Variants in SSH2 observed in about 807,000 individuals in gnomAD.
SSH2 encodes slingshot protein phosphatase 2, also known as protein phosphatase Slingshot homolog 2.
In SSH2, 37 loss-of-function variants were observed where a neutral mutation model predicts 135.2. The ratio of observed to expected loss-of-function variants is 0.27; its 90% CI spans 0.21 to 0.36. The LOEUF is 0.36. SSH2 is among the 10% of genes least tolerant of loss of function. The pLI, the probability that SSH2 is intolerant of heterozygous loss-of-function variation, is 1.00. For missense variants in SSH2, 1,408 were observed against 1,765.3 expected (o/e 0.80, Z 3.63); for synonymous variants, 628 against 646.2 (o/e 0.97, Z 0.43).
At chr17:29,833,881 T>C (rs1294850381) in intron 2 of SSH2, among the ~76,000 whole-genome samples, 2 of 56,774 alleles carry the variant, frequency 3.5e-5, no homozygotes, top group Non-Finnish European at 7.0e-5. Flanking sequence ...CTTCCCTCCC[T>C]CCCTCTCTCC....
At chr17:29,773,200 AAATC>A (rs1211741312) in intron 3 of SSH2, among the ~76,000 whole-genome samples, 1 of 152,154 alleles carries the variant, frequency 6.6e-6, no homozygotes, top group East Asian at 1.9e-4. Flanking sequence ...TATAAAAAGA[AAATC>A]AACACTGCAC....
At chr17:29,697,536 A>T (rs2038807400) in intron 4 of SSH2, among the ~76,000 whole-genome samples, 1 of 152,120 alleles carries the variant, frequency 6.6e-6, no homozygotes, top group African/African-American at 2.4e-5. Flanking sequence ...TAGTTTTCTT[A>T]ATCTCAGCAC....
Position 29,631,257 on chromosome 17 carries a change from G to A in SSH2, c.3937C>T (p.Leu1313Phe). ...REPASCESPH[L>F]KLLQPFLRTD... ...CTGAGGAAAGGCTGAAGCAGTTTGA[G>A]ATGAGGGGATTCACAGGAGGCAGGC... is the stretch of plus-strand genomic sequence containing the variant. Residue 1313 changes from leucine to phenylalanine, a missense_variant, in exon 16 of 16, where the codon CTC becomes TTC. This residue lies in a region of SSH2 where 1,080 missense variants were observed against 1,144.5 expected (regional missense o/e 0.94). Coordinates refer to ENST00000540801, the MANE Select transcript of SSH2 (RefSeq NM_001282129.2). 1 of 1,614,110 alleles carries A rather than the reference G, an allele frequency of 6.2e-7. No homozygotes were observed. Among genetic ancestry groups the A allele is most frequent in the Non-Finnish European group, 8.5e-7 (1 of 1,180,036 alleles).
chr17:29,634,897 G>A (rs1414912122), intron 15 of SSH2, among the ~76,000 whole-genome samples: 1 of 151,422 alleles, frequency 6.6e-6, no homozygotes, highest in East Asian at 2.0e-4. Flanking sequence ...GAAGAAGTCA[G>A]GTACATTATT....
chr17:29,840,020 T>C (rs1568006799), intron 2 of SSH2, among the ~76,000 whole-genome samples: 1 of 152,192 alleles, frequency 6.6e-6, no homozygotes, highest in Admixed American at 6.5e-5. Context: ...TAAGTACTCA[T>C]AGTAAGGGGT....
chr17:29,733,353 G>A (rs920944966), intron 3 of SSH2, among the ~76,000 whole-genome samples: 1 of 152,198 alleles, frequency 6.6e-6, no homozygotes, highest in African/African-American at 2.4e-5. Context: ...TCAACTGTCA[G>A]GGGAAACCAA....
intron 1 of SSH2, among the ~76,000 whole-genome samples, chr17:29,913,990 A>C (rs2066835487): frequency 6.6e-6 from 1 of 152,148 alleles, no homozygotes; most frequent in Non-Finnish European, 1.5e-5. Flanking sequence ...ACAGCATCTA[A>C]AATCCCCCAA....
intron 1 of SSH2, among the ~76,000 whole-genome samples, chr17:29,898,191 T>C (rs1026466984): frequency 4.0e-5 from 6 of 151,848 alleles, no homozygotes; most frequent in African/African-American, 1.2e-4. Flanking sequence ...GATCTAAAAT[T>C]GACACCCTAA....
chr17:29,677,800 G>A (rs1255093992), intron 6 of SSH2, 59 bp from the exon 7 acceptor site: 103 of 1,333,428 alleles, frequency 7.7e-5, no homozygotes, highest in Non-Finnish European at 1.1e-4. Flanking sequence ...GCAGTCTTCT[G>A]TTTACTAACT....
At chr17:29,658,395 C>T (rs1346773221) in intron 11 of SSH2, among the ~76,000 whole-genome samples, 1 of 151,956 alleles carries the variant, frequency 6.6e-6, no homozygotes, top group Non-Finnish European at 1.5e-5. Context: ...TGCGCTATAG[C>T]CTTGAACTTC....
rs61737984 is a variant in SSH2 at position 29,631,772 on chromosome 17, G to C, written c.3422C>G (p.Ala1141Gly). 7.9e-4 allele frequency: 1,274 copies of C among 1,614,210 alleles called. 4 individuals carry two copies. The African/African-American group carries it at 0.012, about 15-fold the overall frequency. Residue 1141 changes from alanine (A) to glycine (G), a missense_variant, in exon 16 of 16, where the codon GCA becomes GGA. This residue lies in a region of SSH2 where 1,080 missense variants were observed against 1,144.5 expected (regional missense o/e 0.94). Coordinates refer to ENST00000540801, the MANE Select transcript of SSH2 (RefSeq NM_001282129.2). ...GGTTGTATGACTGACAAAAGGTGCTGCTGTCTCCAGGGCTGTGGACAGGCT... is the reference window on the plus strand; with the variant it reads ...GGTTGTATGACTGACAAAAGGTGCTCCTGTCTCCAGGGCTGTGGACAGGCT... ...GSSLSTALET[A>G]APFVSHTTHL...
chr17:29,792,686 C>A (rs1455295947), intron 3 of SSH2, among the ~76,000 whole-genome samples: 1 of 152,070 alleles, frequency 6.6e-6, no homozygotes, highest in Non-Finnish European at 1.5e-5. Context: ...TTTGTTTGTT[C>A]TTGTTTTTGA....
At chr17:29,827,353 A>T (rs186868205) in intron 2 of SSH2, among the ~76,000 whole-genome samples, 228 of 152,308 alleles carry the variant, frequency 1.5e-3, no homozygotes, top group Non-Finnish European at 2.6e-3. Context: ...CAGACAGCAT[A>T]TAGTAGTGCT....
intron 14 of SSH2, chr17:29,641,602 T>A (rs2036163113): frequency 6.6e-6 from 1 of 152,222 alleles, no homozygotes; most frequent in Non-Finnish European, 1.5e-5. Context: ...AAATTTTATT[T>A]TTATTTTTAA....
At chr17:29,808,761 G>A (rs1452632024) in intron 2 of SSH2, among the ~76,000 whole-genome samples, 2 of 152,196 alleles carry the variant, frequency 1.3e-5, no homozygotes, top group Admixed American at 6.5e-5. Flanking sequence ...ATGTGCATTT[G>A]CCTCAGCAGG....
chr17:29,691,552 ACGAT>A (rs1441461596), intron 5 of SSH2, among the ~76,000 whole-genome samples: 3 of 151,048 alleles, frequency 2.0e-5, no homozygotes, highest in Non-Finnish European at 2.9e-5. Flanking sequence ...GTGCAGTGGC[ACGAT>A]CTCGGCTCAC....
chr17:29,794,765 C>T (rs985606855), intron 2 of SSH2, among the ~76,000 whole-genome samples: 57 of 152,158 alleles, frequency 3.7e-4, no homozygotes, highest in Admixed American at 1.5e-3. Context: ...CAAGGAGACT[C>T]ATGTGGTAAA....
In SSH2 at chr17:29,814,413, A is replaced by C. The variant is rs2042514649; in HGVS notation, c.145-20476T>G. On this transcript the variant is annotated intron_variant, in intron 2 of 15. Transcript: ENST00000540801. Reference sequence around the variant, plus strand: ...ACACCACTGCACTCCAGCCTGGGCGACAGAGCAAGACTCTGTCTCAAAAAA... The same window carrying C: ...ACACCACTGCACTCCAGCCTGGGCGCCAGAGCAAGACTCTGTCTCAAAAAA... Among the ~76,000 whole-genome samples, 3 of 142,764 alleles carry C rather than the reference A, an allele frequency of 2.1e-5. 1 individual carries two copies. In the Admixed American group the frequency reaches 2.1e-4, roughly 10 times the overall value. 93.7% of individuals were successfully genotyped at this position (142,764 alleles called of 152,430 possible).
At chr17:29,893,905 T>C (rs2066396097) in intron 1 of SSH2, among the ~76,000 whole-genome samples, 1 of 152,160 alleles carries the variant, frequency 6.6e-6, no homozygotes, top group South Asian at 2.1e-4. Flanking sequence ...TGGGTTAACA[T>C]TGCTCTTGAT....
Sources: gnomAD v4.1 joint callset for allele counts (sites outside exome capture counted in the v4.1 genomes callset) on GRCh38, gnomAD v4.1.1 for gene constraint, gnomAD v4.1.1 regional missense constraint, MANE v1.5 for transcripts, NCBI Gene and HGNC (gene_info 2026-07-23, HGNC 2026-07-21) for gene names.